The following ZNF438 variants were observed in gnomAD, a reference collection of about 807,000 sequenced individuals.
The protein encoded by ZNF438 is zinc finger protein 438.
A neutral mutation model predicts 38.0 loss-of-function variants in ZNF438; 25 were observed. That is an observed-to-expected ratio of 0.66 (90% CI 0.48 to 0.92). The LOEUF is 0.92. Among genes scored for constraint, ZNF438 ranks in the 40% least tolerant of loss-of-function variants. ZNF438 has a pLI of 0.00. For synonymous variants in ZNF438, 372 were observed against 364.1 expected (o/e 1.02, Z -0.25); for missense variants, 1,007 against 999.6 (o/e 1.01, Z -0.10).
chr10:30,972,416 T>C (rs1405431029), intron 1 of ZNF438, among the ~76,000 whole-genome samples: 2 of 152,258 alleles, frequency 1.3e-5, no homozygotes, highest in Non-Finnish European at 2.9e-5. Flanking sequence ...TGACAGTTTT[T>C]ATATTTTTAA....
intron 2 of ZNF438, among the ~76,000 whole-genome samples, chr10:30,937,023 T>C (rs1589286718): frequency 6.6e-6 from 1 of 152,276 alleles, no homozygotes; most frequent in Non-Finnish European, 1.5e-5. Flanking sequence ...GTGTTCCTCT[T>C]GGACCAGAAG....
intron 4 of ZNF438, among the ~76,000 whole-genome samples, chr10:30,855,989 A>G (rs1320263528): frequency 6.6e-6 from 1 of 152,218 alleles, no homozygotes; most frequent in Non-Finnish European, 1.5e-5. Context: ...GTGCTTAGAC[A>G]TATTTGTTTA....
At chr10:31,021,614 T>A (rs960550938) in intron 1 of ZNF438, among the ~76,000 whole-genome samples, 1 of 152,220 alleles carries the variant, frequency 6.6e-6, no homozygotes, top group Non-Finnish European at 1.5e-5. Context: ...TTGCTGTTTA[T>A]TTTATATTTA....
At chr10:30,972,040 G>A (rs957286351) in intron 1 of ZNF438, among the ~76,000 whole-genome samples, 3 of 151,484 alleles carry the variant, frequency 2.0e-5, no homozygotes, top group Non-Finnish European at 4.4e-5. Flanking sequence ...CACAATCTTG[G>A]CTCACTGCAA....
At chr10:30,847,163 G>C (rs1181586245) in intron 5 of ZNF438, among the ~76,000 whole-genome samples, 2 of 152,216 alleles carry the variant, frequency 1.3e-5, no homozygotes, top group Non-Finnish European at 2.9e-5. Context: ...CCACCTTCAA[G>C]CCAGAGAAGC....
chr10:30,918,901 A>G (rs572108904), intron 2 of ZNF438: 1 of 152,266 alleles, frequency 6.6e-6, no homozygotes, highest in South Asian at 2.1e-4. Flanking sequence ...AACTACTCCA[A>G]AGCTTTTTTG....
chr10:30,905,128 GA>G (rs1238481646), intron 3 of ZNF438, among the ~76,000 whole-genome samples: 1 of 152,212 alleles, frequency 6.6e-6, no homozygotes, highest in Non-Finnish European at 1.5e-5. Flanking sequence ...AGGAAGGGAA[GA>G]GGTTTACAAT....
intron 3 of ZNF438, among the ~76,000 whole-genome samples, chr10:30,890,584 T>C (rs1274000698): frequency 6.6e-6 from 1 of 152,210 alleles, no homozygotes; most frequent in African/African-American, 2.4e-5. Flanking sequence ...GCTTGTTGCC[T>C]GTATTACAAT....
chr10:30,872,425 CA>C (rs566401687), intron 4 of ZNF438, among the ~76,000 whole-genome samples: 7 of 58,696 alleles, frequency 1.2e-4, no homozygotes, highest in Non-Finnish European at 2.3e-4. Context: ...GACTCTGTCT[CA>C]AAAAAAAAAA....
intron 1 of ZNF438, among the ~76,000 whole-genome samples, chr10:31,012,812 T>C (rs1471182124): frequency 6.6e-6 from 1 of 152,140 alleles, no homozygotes; most frequent in African/African-American, 2.4e-5. Flanking sequence ...GGGACCCTCT[T>C]CCCCAACAAT....
At chr10:30,892,393 T>C (rs1288875384) in intron 3 of ZNF438, among the ~76,000 whole-genome samples, 1 of 152,240 alleles carries the variant, frequency 6.6e-6, no homozygotes, top group African/African-American at 2.4e-5. Context: ...AAAGGTTATG[T>C]GAATGTGGTC....
At chr10:30,932,238 T>C (rs1427364754) in intron 2 of ZNF438, among the ~76,000 whole-genome samples, 1 of 152,198 alleles carries the variant, frequency 6.6e-6, no homozygotes, top group Non-Finnish European at 1.5e-5. Context: ...AAAAACTTAT[T>C]AAAATTCTAG....
At chr10:30,913,143 G>A (rs566125213) in intron 2 of ZNF438, among the ~76,000 whole-genome samples, 2 of 152,064 alleles carry the variant, frequency 1.3e-5, no homozygotes, top group Admixed American at 1.3e-4. Flanking sequence ...CAGCCAAAAG[G>A]ATCTTTACAG....
rs754981418 is a variant in ZNF438 at position 30,850,153 on chromosome 10, C to G, written c.252G>C (p.Gln84His). The G allele has an allele frequency of 6.8e-6, 11 of 1,614,006 alleles. No homozygotes were observed. In the African/African-American group the frequency reaches 9.3e-5, roughly 14 times the overall value. Residue 84 changes from glutamine (Q) to histidine (H), a missense_variant, in exon 5 of 6, where the codon CAG becomes CAC. By Grantham distance (24) the Gln-to-His change is conservative. Transcript: ENST00000413025. The stretch of plus-strand genomic sequence containing the variant: ...AAAATGTCCCCTCCTGGCCAGCAAC[C>G]TGCATCAGGGCATAGTTCTGGGTGG...
At chr10:30,907,347 A>G (rs1206697628) in intron 3 of ZNF438, among the ~76,000 whole-genome samples, 1 of 152,140 alleles carries the variant, frequency 6.6e-6, no homozygotes, top group Non-Finnish European at 1.5e-5. Context: ...TGTCTTGTCC[A>G]TTTTTATCAT....
intron 3 of ZNF438, among the ~76,000 whole-genome samples, chr10:30,906,675 A>C (rs2042619681): frequency 6.6e-6 from 1 of 152,164 alleles, no homozygotes; most frequent in South Asian, 2.1e-4. Context: ...TCAGTTTTTC[A>C]CCATTAAGTA....
intron 2 of ZNF438, among the ~76,000 whole-genome samples, chr10:30,935,371 C>T (rs2046135230): frequency 6.6e-6 from 1 of 152,190 alleles, no homozygotes; most frequent in Admixed American, 6.5e-5. Context: ...CTGGTGAGGG[C>T]CTCAGGCTGT....
At chr10:30,948,004 G>T (rs557728911) in intron 1 of ZNF438, among the ~76,000 whole-genome samples, 1 of 152,150 alleles carries the variant, frequency 6.6e-6, no homozygotes, top group Non-Finnish European at 1.5e-5. Context: ...GCTGTAGACC[G>T]GAGCTGTTCC....
At chr10:31,011,214 C>T (rs1047712876) in intron 1 of ZNF438, among the ~76,000 whole-genome samples, 3 of 152,200 alleles carry the variant, frequency 2.0e-5, no homozygotes, top group Non-Finnish European at 4.4e-5. Context: ...AAAAGAGCAA[C>T]AGTTCAACGT....
Sources: gnomAD v4.1 joint callset for allele counts (sites outside exome capture counted in the v4.1 genomes callset) on GRCh38, gnomAD v4.1.1 for gene constraint, MANE v1.5 for transcripts, NCBI Gene and HGNC (gene_info 2026-07-23, HGNC 2026-07-21) for gene names.